Variants in NRXN1 observed in about 807,000 individuals in gnomAD.
NRXN1 encodes neurexin-1.
A neutral mutation model predicts 150.9 loss-of-function variants in NRXN1; 39 were observed. That is an observed-to-expected ratio of 0.26 (90% CI 0.20 to 0.34). The LOEUF is 0.34. Ranked by LOEUF, NRXN1 falls within the 10% of genes least tolerant of loss-of-function variation. The pLI is 1.00. For missense variants in NRXN1, 1,815 were observed against 1,949.9 expected, an observed-to-expected ratio of 0.93 and a Z score of 1.30; for synonymous variants, 924 against 757.0, an observed-to-expected ratio of 1.22 and a Z score of -3.62.
chr2:51,012,938 T>G (rs1668109978), intron 2 of NRXN1, among the ~76,000 whole-genome samples: 1 of 152,014 alleles, frequency 6.6e-6, no homozygotes, highest in Admixed American at 6.6e-5. Flanking sequence ...CCAGGAACAA[T>G]TCATACCAGT....
chr2:50,986,495 G>A (rs904903771), intron 2 of NRXN1, among the ~76,000 whole-genome samples: 1 of 151,558 alleles, frequency 6.6e-6, no homozygotes, highest in East Asian at 1.9e-4. Context: ...ATACTGCGCA[G>A]ATTTTTTTTT....
chr2:50,614,718 C>A (rs1227170108), intron 8 of NRXN1, among the ~76,000 whole-genome samples: 3 of 92,960 alleles, frequency 3.2e-5, no homozygotes, highest in African/African-American at 8.6e-5. Flanking sequence ...ACCTATTAAA[C>A]TAATATCAGC....
intron 2 of NRXN1, chr2:51,026,490 C>T: frequency 3.3e-6 from 5 of 1,522,684 alleles, no homozygotes; most frequent in Non-Finnish European, 4.5e-6. Context: ...GAAAAGAGAA[C>T]TTAGGTATGA....
intron 21 of NRXN1, among the ~76,000 whole-genome samples, chr2:50,050,592 C>CA (rs1256563096): frequency 6.6e-6 from 1 of 151,992 alleles, no homozygotes; most frequent in Non-Finnish European, 1.5e-5. Context: ...AAGGAAGATG[C>CA]TTCATCCAAC....
intron 5 of NRXN1, among the ~76,000 whole-genome samples, chr2:50,812,248 T>C (rs1668317204): frequency 1.3e-5 from 2 of 152,208 alleles, no homozygotes; most frequent in African/African-American, 4.8e-5. Context: ...TATAGCAGAA[T>C]GACTTTGTCT....
At chr2:50,360,695 A>G (rs968097576) in intron 17 of NRXN1, among the ~76,000 whole-genome samples, 2 of 152,184 alleles carry the variant, frequency 1.3e-5, no homozygotes, top group African/African-American at 4.8e-5. Flanking sequence ...TCAATATTAT[A>G]CAGATCAATG....
rs1452655750 is a variant in NRXN1, at chr2:50,223,739, A to G, written c.3546+13050T>C. On this transcript the variant is annotated intron_variant, in intron 18 of 22. Coordinates refer to ENST00000401669, the MANE Select transcript of NRXN1 (RefSeq NM_001330078.2). ...GCAATAGACAAATTCCCTTTCTCTGACCTCATTTACATGCTTAAGTACACA... is the reference window on the plus strand; with the variant it reads ...GCAATAGACAAATTCCCTTTCTCTGGCCTCATTTACATGCTTAAGTACACA... Among the ~76,000 whole-genome samples the G allele has an allele frequency of 1.4e-4, 22 of 151,874 alleles. No individual in the cohort carries two copies. In the Admixed American group the frequency reaches 1.4e-3, roughly 10 times the overall value.
At chr2:50,391,326 G>A (rs2081675431) in intron 17 of NRXN1, among the ~76,000 whole-genome samples, 1 of 151,596 alleles carries the variant, frequency 6.6e-6, no homozygotes, top group South Asian at 2.1e-4. Context: ...GGAATGGGAA[G>A]GGGAATTGAA....
At chr2:50,888,575 C>T (rs1287699830) in intron 5 of NRXN1, among the ~76,000 whole-genome samples, 1 of 151,558 alleles carries the variant, frequency 6.6e-6, no homozygotes, top group Non-Finnish European at 1.5e-5. Context: ...TCACTCTCTG[C>T]CTTACTGTCT....
chr2:50,220,213 A>G (rs1165211367), intron 18 of NRXN1, among the ~76,000 whole-genome samples: 6 of 150,612 alleles, frequency 4.0e-5, no homozygotes, highest in African/African-American at 1.5e-4. Flanking sequence ...GAAACATATT[A>G]TTTTCACTAT....
chr2:50,058,145 G>C (rs1356523443), intron 19 of NRXN1, among the ~76,000 whole-genome samples: 1 of 152,140 alleles, frequency 6.6e-6, no homozygotes, highest in Non-Finnish European at 1.5e-5. Flanking sequence ...GATTGATATA[G>C]TATGACAGTA....
chr2:50,739,596 C>T (rs1258655689), intron 5 of NRXN1, among the ~76,000 whole-genome samples: 5 of 152,136 alleles, frequency 3.3e-5, no homozygotes, highest in African/African-American at 4.8e-5. Context: ...AAGCTTTTAT[C>T]GGCTACTTAC....
intron 18 of NRXN1, among the ~76,000 whole-genome samples, chr2:50,210,159 T>C (rs185069568): frequency 1.3e-5 from 2 of 152,112 alleles, no homozygotes; most frequent in East Asian, 3.9e-4. Context: ...GCATAAACTT[T>C]TGCCTAAAGA....
chr2:50,494,163 C>A (rs562905541), intron 15 of NRXN1, among the ~76,000 whole-genome samples: 1 of 152,326 alleles, frequency 6.6e-6, no homozygotes, highest in Non-Finnish European at 1.5e-5. Flanking sequence ...CATTGTCTCA[C>A]ACGGCTTCTC....
intron 2 of NRXN1, among the ~76,000 whole-genome samples, chr2:50,939,150 G>C (rs1037379617): frequency 7.0e-6 from 1 of 141,914 alleles, no homozygotes; most frequent in Admixed American, 7.6e-5. Context: ...GGCAGAGCTT[G>C]CAGTGAGCTG....
chr2:50,765,383 C>A (rs188175968), intron 5 of NRXN1, among the ~76,000 whole-genome samples: 1 of 151,998 alleles, frequency 6.6e-6, no homozygotes, highest in Non-Finnish European at 1.5e-5. Flanking sequence ...AAGACAAATG[C>A]GAATTGTCCC....
intron 5 of NRXN1, among the ~76,000 whole-genome samples, chr2:50,688,549 T>A (rs868536862): frequency 4.6e-5 from 7 of 152,300 alleles, no homozygotes; most frequent in South Asian, 4.1e-4. Flanking sequence ...TGCCTGCCCC[T>A]GTAGCCACAG....
intron 13 of NRXN1, among the ~76,000 whole-genome samples, chr2:50,501,964 ATTC>A (rs1301981443): frequency 2.0e-5 from 3 of 152,196 alleles, no homozygotes; most frequent in Admixed American, 6.5e-5. Context: ...CCTTGCAGAA[ATTC>A]TTCTCATTCA....
At chr2:50,687,948 C>G (rs896910153) in intron 5 of NRXN1, among the ~76,000 whole-genome samples, 1 of 152,150 alleles carries the variant, frequency 6.6e-6, no homozygotes, top group African/African-American at 2.4e-5. Flanking sequence ...ACCAGATATC[C>G]TCTTCTTCAT....
Sources: gnomAD v4.1 joint callset for allele counts (sites outside exome capture counted in the v4.1 genomes callset) on GRCh38, gnomAD v4.1.1 for gene constraint, MANE v1.5 for transcripts, NCBI Gene and HGNC (gene_info 2026-07-23, HGNC 2026-07-21) for gene names.